The following GP6 variants were observed in gnomAD, a reference collection of about 807,000 sequenced individuals.
The protein encoded by GP6 is platelet glycoprotein VI.
GP6 carries 45 observed loss-of-function variants against 37.3 expected under a neutral mutation model. That is an observed-to-expected ratio of 1.21 (90% confidence interval 0.95 to 1.55). The LOEUF (loss-of-function observed/expected upper bound fraction) is 1.55, where lower values mean the gene tolerates loss of function less well. Ranked by LOEUF, GP6 falls within the 40% of genes most tolerant of loss-of-function variation. The probability of loss-of-function intolerance (pLI) is 0.00; values close to 1 mark genes in which losing one functional copy is unlikely to be tolerated. For synonymous variants in GP6, 340 were observed against 316.4 expected, an observed-to-expected ratio of 1.07 and a Z score of -0.79; for missense variants, 813 against 760.2, an observed-to-expected ratio of 1.07 and a Z score of -0.82.
At chr19:55,027,013 A>C (rs1268390983) in intron 4 of GP6, among the ~76,000 whole-genome samples, 4 of 104,384 alleles carry the variant, frequency 3.8e-5, no homozygotes, top group Admixed American at 1.0e-4. Context: ...CTTCCTTCCC[A>C]CCTACGGCCC....
At chr19:55,035,053 G>A (rs1007213601) in intron 1 of GP6, among the ~76,000 whole-genome samples, 9 of 152,156 alleles carry the variant, frequency 5.9e-5, no homozygotes, top group African/African-American at 2.2e-4. Flanking sequence ...TCTTCCAGGC[G>A]CCGTGCTGAG....
chr19:55,020,173 T>A (rs1032177642), intron 5 of GP6, among the ~76,000 whole-genome samples: 1 of 150,548 alleles, frequency 6.6e-6, no homozygotes, highest in Non-Finnish European at 1.5e-5. Context: ...TGGTCTTTGT[T>A]ATTTCTCTTC....
chr19:55,014,303 G>A lies in GP6; in HGVS notation c.1642C>T (p.His548Tyr), dbSNP rs1159857576. Residue 548 changes from histidine (H) to tyrosine (Y), a missense_variant, in exon 8 of 8, where the codon CAT becomes TAT. Physicochemically the swap from His to Tyr is moderately conservative, Grantham distance 83. Transcript: ENST00000310373. ...GTTTTTTTGTTTTGTTGGTAGAGATGAGGTTTCACCATGTTGCACAGGCTG... is the reference window on the plus strand; with the variant it reads ...GTTTTTTTGTTTTGTTGGTAGAGATAAGGTTTCACCATGTTGCACAGGCTG... The A allele has an allele frequency of 8.0e-6, 12 of 1,503,932 alleles. No individual in the cohort carries two copies. Among genetic ancestry groups the A allele is most frequent in the African/African-American group, 1.4e-5 (1 of 72,682 alleles). The allele number at this position is 1,503,932 out of a possible 1,614,324, so 93.2% of individuals were successfully genotyped here.
At chr19:55,034,179 TAC>T in intron 1 of GP6, among the ~76,000 whole-genome samples, 1 of 151,474 alleles carries the variant, frequency 6.6e-6, no homozygotes, top group African/African-American at 2.4e-5. Context: ...TGTGTGTGTA[TAC>T]ATATGTATAC....
In GP6 at chr19:55,014,958, C is replaced by A. The variant is rs1204424060; in HGVS notation, c.987G>T (p.Arg329Ser). The A allele has an allele frequency of 6.2e-6, 10 of 1,613,558 alleles. No homozygotes were observed. In the East Asian group the frequency reaches 2.2e-4, roughly 36 times the overall value. ...CCCGCGGCTGTGAACATCCTGTCGGCCTCCATCCTGACCCCCGTTTGATTT... is the reference window on the plus strand; with the variant it reads ...CCCGCGGCTGTGAACATCCTGTCGGACTCCATCCTGACCCCCGTTTGATTT... The change falls in exon 8 of 8, where the codon AGG (arginine) becomes AGT (serine). Residue 329 changes from arginine to serine, a missense_variant. By Grantham distance (110) the Arg-to-Ser change is moderately radical (BLOSUM62 -1). Transcript: ENST00000310373.
chr19:55,021,096 C>T (rs911903518), intron 5 of GP6, among the ~76,000 whole-genome samples: 7 of 148,712 alleles, frequency 4.7e-5, no homozygotes, highest in Admixed American at 6.8e-5. Context: ...CGGTGGCTCA[C>T]GCCTGTAATC....
At chr19:55,016,140 CAA>C (rs1274410402) in intron 6 of GP6, among the ~76,000 whole-genome samples, 2 of 131,862 alleles carry the variant, frequency 1.5e-5, no homozygotes, top group Non-Finnish European at 3.3e-5. Flanking sequence ...AGACCCTGTC[CAA>C]AAAAAAAAAA....
intron 1 of GP6, 116 bp from the exon 2 acceptor site, chr19:55,032,654 C>T: frequency 9.3e-7 from 1 of 1,079,268 alleles, no homozygotes; most frequent in Non-Finnish European, 1.4e-6. Flanking sequence ...CTAATAATTT[C>T]TTCAAAAGAC....
chr19:55,031,735 A>G (rs1214384393), intron 3 of GP6, among the ~76,000 whole-genome samples: 3 of 152,192 alleles, frequency 2.0e-5, no homozygotes, highest in Admixed American at 6.5e-5. Flanking sequence ...CCTGAGCAAC[A>G]TAGCGAGACC....
chr19:55,015,804 AACACACAC>A, intron 6 of GP6, 71 bp from the exon 7 acceptor site: 1 of 782,634 alleles, frequency 1.3e-6, no homozygotes, highest in Non-Finnish European at 2.3e-6. Context: ...GCCTACTCCG[AACACACAC>A]ACACATGGGG....
At position 55,021,520 on chromosome 19, in the gene GP6, G is replaced by GGTTTTTTTTTTTTTTTTTTTTTTT. The variant is rs556854980; in HGVS notation, c.665-2810_665-2809insAAAAAAAAAAAAAAAAAAAAAAAC. Among the ~76,000 whole-genome samples the GGTTTTTTTTTTTTTTTTTTTTTTT allele has an allele frequency of 1.6e-5, 2 of 126,246 alleles. 1 individual carries two copies. Among genetic ancestry groups the GGTTTTTTTTTTTTTTTTTTTTTTT allele is most frequent in the Non-Finnish European group, 3.2e-5 (2 of 62,328 alleles). 82.8% of individuals were successfully genotyped at this position (126,246 alleles called of 152,430 possible). On this transcript the variant is annotated intron_variant, in intron 5 of 7. Coordinates refer to ENST00000310373, the MANE Select transcript of GP6 (RefSeq NM_001083899.2). ...ACCTGTTGTTTCTTGACTTTTGTTG[G>GGTTTTTTTTTTTTTTTTTTTTTTT]TTTTTTTTTTTTTTTTTTGAGATGG...
Position 55,014,779 on chromosome 19 carries a change from C to G in GP6, c.1166G>C (p.Cys389Ser). The change falls in exon 8 of 8, where the codon TGT (cysteine) becomes TCT (serine). Residue 389 changes from cysteine (C) to serine (S), a missense_variant. By Grantham distance (112) the Cys-to-Ser change is moderately radical (BLOSUM62 -1). Coordinates refer to ENST00000310373, the MANE Select transcript of GP6 (RefSeq NM_001083899.2). Reference sequence around the variant, plus strand: ...CTGGCCGAACGGCTCCCTGATGGAACACCAGGAGGAGGCAGCATGGCCTCG... The same window carrying G: ...CTGGCCGAACGGCTCCCTGATGGAAGACCAGGAGGAGGCAGCATGGCCTCG... The G allele has an allele frequency of 1.2e-6, 2 of 1,613,828 alleles. No individual in the cohort carries two copies. The highest frequency in any genetic ancestry group is 1.7e-6 in the Non-Finnish European group (2 of 1,179,902).
At chr19:55,037,282 G>A (rs949419971) in intron 1 of GP6, among the ~76,000 whole-genome samples, 37 of 151,888 alleles carry the variant, frequency 2.4e-4, no homozygotes, top group African/African-American at 8.5e-4. Flanking sequence ...CTCCACTACT[G>A]TAGGGGATAC....
At chr19:55,020,611 T>G (rs2074043215) in intron 5 of GP6, among the ~76,000 whole-genome samples, 1 of 152,210 alleles carries the variant, frequency 6.6e-6, no homozygotes, top group Non-Finnish European at 1.5e-5. Context: ...TGCTTTATCC[T>G]TTCTATCATT....
intron 1 of GP6, chr19:55,032,876 T>C (rs2074625067): frequency 2.4e-6 from 1 of 408,354 alleles, no homozygotes; most frequent in Non-Finnish European, 4.4e-6. Flanking sequence ...GGCTCGTTCG[T>C]GTTAGACACG....
rs1176759126 is a variant in GP6 at position 55,032,385 on chromosome 19, T to C, written c.79A>G (p.Lys27Glu). The C allele has an allele frequency of 2.5e-6, 4 of 1,613,040 alleles. No homozygotes were observed. In the East Asian group the frequency reaches 6.7e-5, roughly 27 times the overall value. ...CTGGGCAGAGCCTGGAGGGAGGGCT[T>C]GGGGAGCGGTCCTGGAAGAGGAGCA... Residue 27 changes from lysine (K) to glutamate (E), a missense_variant, in exon 3 of 8, where the codon AAG (lysine) becomes GAG (glutamate). By Grantham distance (56) the Lys-to-Glu change is moderately conservative (BLOSUM62 1). Transcript: ENST00000310373.
At chr19:55,026,258 C>G (rs987818228) in intron 4 of GP6, among the ~76,000 whole-genome samples, 2 of 152,210 alleles carry the variant, frequency 1.3e-5, no homozygotes, top group African/African-American at 4.8e-5. Flanking sequence ...GGTATGTTCA[C>G]ATTGTGGTAC....
chr19:55,024,075 C>T (rs969045094), intron 5 of GP6, among the ~76,000 whole-genome samples: 1 of 152,174 alleles, frequency 6.6e-6, no homozygotes, highest in African/African-American at 2.4e-5. Flanking sequence ...TAGAACTAGA[C>T]ACCTACTTTA....
At chr19:55,016,343 T>C (rs2073873471) in intron 6 of GP6, among the ~76,000 whole-genome samples, 1 of 150,830 alleles carries the variant, frequency 6.6e-6, no homozygotes, top group Non-Finnish European at 1.5e-5. Context: ...TAAAGCACCG[T>C]GCTTGACATA....
Sources: allele counts gnomAD v4.1 joint callset (sites outside exome capture counted in the v4.1 genomes callset), GRCh38; gene constraint gnomAD v4.1.1; transcripts MANE v1.5; gene names NCBI Gene and HGNC (gene_info 2026-07-23, HGNC 2026-07-21).